The following CDA variants were observed in gnomAD, a reference collection of about 807,000 sequenced individuals.
CDA encodes the protein cytidine deaminase, also known as cytidine aminohydrolase.
CDA carries 7 observed loss-of-function variants against 15.0 expected under a neutral mutation model. The observed-to-expected ratio is 0.47, with a 90% CI of 0.26 to 0.87. The LOEUF (loss-of-function observed/expected upper bound fraction) is 0.87, where lower values mean the gene tolerates loss of function less well. CDA is among the 40% of genes least tolerant of loss of function. The probability of loss-of-function intolerance (pLI) is 0.15; values close to 1 mark genes in which losing one functional copy is unlikely to be tolerated. For missense variants in CDA, 159 were observed against 182.7 expected (o/e 0.87, Z 0.75); for synonymous variants, 58 against 73.0 (o/e 0.79, Z 1.05).
At chr1:20,591,871 T>G (rs2052551572) in intron 1 of CDA, among the ~76,000 whole-genome samples, 1 of 147,142 alleles carries the variant, frequency 6.8e-6, no homozygotes. Flanking sequence ...TGAGATGGAG[T>G]CTCACTCTGT....
chr1:20,603,501 C>A (rs2052666123), intron 1 of CDA, among the ~76,000 whole-genome samples: 1 of 152,202 alleles, frequency 6.6e-6, no homozygotes, highest in African/African-American at 2.4e-5. Flanking sequence ...AGGCAAGCAA[C>A]CTCCTTACCA....
intron 1 of CDA, among the ~76,000 whole-genome samples, chr1:20,599,133 G>C (rs1012625043): frequency 2.0e-5 from 3 of 152,162 alleles, no homozygotes; most frequent in Admixed American, 2.0e-4. Context: ...TGAATAGTGC[G>C]CAAAAGGGAA....
intron 2 of CDA, among the ~76,000 whole-genome samples, chr1:20,613,297 G>A (rs959659460): frequency 4.0e-5 from 6 of 151,824 alleles, no homozygotes; most frequent in African/African-American, 1.2e-4. Context: ...TTTGCCTCCC[G>A]GATTCAAGCG....
chr1:20,601,125 G>A (rs1408140205), intron 1 of CDA, among the ~76,000 whole-genome samples: 1 of 152,166 alleles, frequency 6.6e-6, no homozygotes, highest in East Asian at 1.9e-4. Flanking sequence ...AGACCTCAGG[G>A]GCAACTGGCA....
chr1:20,603,302 T>C (rs964927104), intron 1 of CDA, among the ~76,000 whole-genome samples: 1 of 152,196 alleles, frequency 6.6e-6, no homozygotes, highest in Non-Finnish European at 1.5e-5. Flanking sequence ...GGAATTCTCT[T>C]TTTCTCTCAC....
chr1:20,607,432 G>A (rs2052704642), intron 2 of CDA, among the ~76,000 whole-genome samples: 1 of 152,082 alleles, frequency 6.6e-6, no homozygotes, highest in Non-Finnish European at 1.5e-5. Flanking sequence ...TGTGCAGATA[G>A]GCCAAGATCA....
intron 2 of CDA, among the ~76,000 whole-genome samples, chr1:20,609,680 G>T (rs899439370): frequency 6.6e-6 from 1 of 152,138 alleles, no homozygotes; most frequent in East Asian, 1.9e-4. Flanking sequence ...TTGTCCGATT[G>T]GTCTTTGTTG....
intron 1 of CDA, among the ~76,000 whole-genome samples, chr1:20,604,070 G>T (rs191723117): frequency 2.6e-5 from 4 of 152,236 alleles, no homozygotes; most frequent in Non-Finnish European, 5.9e-5. Context: ...TGATTTCGTT[G>T]TTAGTTGGTT....
chr1:20,593,944 G>A (rs1279413697), intron 1 of CDA, among the ~76,000 whole-genome samples: 2 of 152,230 alleles, frequency 1.3e-5, no homozygotes, highest in Non-Finnish European at 2.9e-5. Context: ...GATGCAGTAA[G>A]TTGGGGCTTG....
intron 1 of CDA, among the ~76,000 whole-genome samples, chr1:20,589,941 T>C (rs2052533864): frequency 6.6e-6 from 1 of 152,210 alleles, no homozygotes; most frequent in Non-Finnish European, 1.5e-5. Flanking sequence ...GGGCGGGTAA[T>C]GGAACCTGAG....
At chr1:20,615,142 G>C (rs190605972) in intron 3 of CDA, among the ~76,000 whole-genome samples, 12 of 152,154 alleles carry the variant, frequency 7.9e-5, no homozygotes, top group Admixed American at 2.6e-4. Context: ...TTACAGGCGT[G>C]AGCCACCGCG....
intron 1 of CDA, among the ~76,000 whole-genome samples, chr1:20,595,676 C>CA (rs1446521092): frequency 2.0e-5 from 3 of 152,038 alleles, no homozygotes; most frequent in Non-Finnish European, 4.4e-5. Flanking sequence ...CCCATCTCTA[C>CA]AAAAAATACA....
intron 3 of CDA, among the ~76,000 whole-genome samples, chr1:20,615,259 T>C (rs2052791125): frequency 6.6e-6 from 1 of 151,934 alleles, no homozygotes; most frequent in Non-Finnish European, 1.5e-5. Flanking sequence ...AGGTAAGCCA[T>C]TGGATATTTT....
chr1:20,597,465 G>A (rs1161624537), intron 1 of CDA, among the ~76,000 whole-genome samples: 1 of 152,110 alleles, frequency 6.6e-6, no homozygotes, highest in Non-Finnish European at 1.5e-5. Flanking sequence ...AGAGTCCATC[G>A]TATCTCACAG....
intron 3 of CDA, among the ~76,000 whole-genome samples, chr1:20,615,306 C>T (rs1016737718): frequency 6.6e-6 from 1 of 151,774 alleles, no homozygotes. Flanking sequence ...TAAAAGTCCT[C>T]TTGATGGAAG....
rs543327384 is a variant in CDA, at chr1:20,606,322, G to A, written c.266+1283G>A. ...TGCATTCCAGCCTGAGTGACAGAGCGAGATTCCGTCTCCAAAACAAAAAAG... is the reference window on the plus strand; with the variant it reads ...TGCATTCCAGCCTGAGTGACAGAGCAAGATTCCGTCTCCAAAACAAAAAAG... On this transcript the variant is annotated intron_variant, in intron 2 of 3. Transcript: ENST00000375071. Among the ~76,000 whole-genome samples the A allele has an allele frequency of 1.6e-4, 24 of 151,978 alleles. 1 individual carries two copies. In the South Asian group the frequency reaches 4.0e-3, roughly 25 times the overall value.
intron 2 of CDA, 65 bp downstream of exon 2, chr1:20,605,104 A>AT: frequency 1.1e-6 from 1 of 939,312 alleles, no homozygotes; most frequent in Non-Finnish European, 1.7e-6. Context: ...TTCCTTACAC[A>AT]TATTATTCAT....
chr1:20,604,373 T>C (rs891941266), intron 1 of CDA, among the ~76,000 whole-genome samples: 2 of 152,180 alleles, frequency 1.3e-5, no homozygotes, highest in African/African-American at 4.8e-5. Context: ...ATGCGGCAGA[T>C]GGGGCAAGGC....
At chr1:20,611,134 G>A (rs1309618869) in intron 2 of CDA, among the ~76,000 whole-genome samples, 1 of 152,190 alleles carries the variant, frequency 6.6e-6, no homozygotes, top group Non-Finnish European at 1.5e-5. Flanking sequence ...CAGCTACTCA[G>A]GAGGCTGAGG....
Sources: allele counts gnomAD v4.1 joint callset (sites outside exome capture counted in the v4.1 genomes callset), GRCh38; gene constraint gnomAD v4.1.1; transcripts MANE v1.5; gene names NCBI Gene and HGNC (gene_info 2026-07-23, HGNC 2026-07-21).